The following SBF2 variants were observed in gnomAD, a reference collection of about 807,000 sequenced individuals.
SBF2 encodes the protein SET binding factor 2, also known as myotubularin-related protein 13.
Under a neutral mutation model 225.2 loss-of-function variants are expected in SBF2, and 112 were observed. The ratio of observed to expected loss-of-function variants is 0.50; its 90% CI spans 0.43 to 0.58. The LOEUF (loss-of-function observed/expected upper bound fraction) is 0.58, where lower values mean the gene tolerates loss of function less well. Ranked by LOEUF, SBF2 falls within the 20% of genes least tolerant of loss-of-function variation. The pLI, the probability that SBF2 is intolerant of heterozygous loss-of-function variation, is 0.00. For synonymous variants in SBF2, 763 were observed against 773.3 expected (o/e 0.99, Z 0.22); for missense variants, 1,996 against 2,206.2 (o/e 0.90, Z 1.91).
intron 16 of SBF2, among the ~76,000 whole-genome samples, chr11:9,904,627 T>C (rs1276091043): frequency 6.6e-6 from 1 of 152,164 alleles, no homozygotes; most frequent in Non-Finnish European, 1.5e-5. Flanking sequence ...TATAGAACAC[T>C]GTATACAAAA....
intron 1 of SBF2, among the ~76,000 whole-genome samples, chr11:10,283,937 T>A (rs1189906742): frequency 1.3e-5 from 2 of 152,182 alleles, no homozygotes; most frequent in Non-Finnish European, 2.9e-5. Context: ...GTAAAGTGAC[T>A]AAGTTAAAAT....
chr11:10,037,457 G>A (rs926698042), intron 3 of SBF2, among the ~76,000 whole-genome samples: 1 of 151,984 alleles, frequency 6.6e-6, no homozygotes, highest in Non-Finnish European at 1.5e-5. Flanking sequence ...CTGCTATTTC[G>A]AATTTTTAGT....
intron 2 of SBF2, among the ~76,000 whole-genome samples, chr11:10,094,659 C>T (rs1565222293): frequency 1.3e-5 from 2 of 150,918 alleles, no homozygotes; most frequent in Admixed American, 1.3e-4. Context: ...CCCGCCACGA[C>T]GCCTGGCTAA....
At chr11:10,229,733 C>G (rs1958744008) in intron 1 of SBF2, among the ~76,000 whole-genome samples, 1 of 152,084 alleles carries the variant, frequency 6.6e-6, no homozygotes. Context: ...TTACTTCCAA[C>G]TATGTGGTCA....
chr11:10,062,158 C>T (rs572910056), intron 2 of SBF2, among the ~76,000 whole-genome samples: 1 of 152,276 alleles, frequency 6.6e-6, no homozygotes, highest in South Asian at 2.1e-4. Flanking sequence ...TGAAGCTGGA[C>T]CCCTTCCTCA....
chr11:10,019,345 G>A (rs1226035570), intron 6 of SBF2, among the ~76,000 whole-genome samples: 1 of 152,200 alleles, frequency 6.6e-6, no homozygotes, highest in East Asian at 1.9e-4. Flanking sequence ...AGTTCCTTCA[G>A]AAAAGTGCCC....
chr11:9,931,986 A>G (rs1864531010), intron 16 of SBF2, among the ~76,000 whole-genome samples: 1 of 149,956 alleles, frequency 6.7e-6, no homozygotes, highest in Admixed American at 6.6e-5. Flanking sequence ...TGACGCATGC[A>G]CAAGCTTCAA....
chr11:9,898,090 A>C (rs1000129579), intron 16 of SBF2, among the ~76,000 whole-genome samples: 1 of 152,172 alleles, frequency 6.6e-6, no homozygotes, highest in African/African-American at 2.4e-5. Flanking sequence ...GAAAGTCAGA[A>C]GTGAGGAAGA....
intron 17 of SBF2, among the ~76,000 whole-genome samples, chr11:9,861,663 C>CAAAA (rs1193095357): frequency 1.2e-5 from 1 of 83,438 alleles, no homozygotes. Context: ...GACTCCATCT[C>CAAAA]AAAAAAAAAA....
intron 16 of SBF2, chr11:9,958,638 G>A (rs139451435): frequency 4.6e-5 from 12 of 262,654 alleles, no homozygotes; most frequent in East Asian, 3.1e-4. Context: ...GATTACAGGC[G>A]TGAGCATCCT....
chr11:10,227,667 T>G (rs1450941244), intron 1 of SBF2, among the ~76,000 whole-genome samples: 1 of 152,202 alleles, frequency 6.6e-6, no homozygotes, highest in Non-Finnish European at 1.5e-5. Context: ...CTCTGTTCTG[T>G]TCCATTGGTC....
At chr11:9,993,600 T>C (rs934315619) in intron 10 of SBF2, among the ~76,000 whole-genome samples, 2 of 152,252 alleles carry the variant, frequency 1.3e-5, no homozygotes, top group Non-Finnish European at 2.9e-5. Context: ...TTTTGAATCC[T>C]TGTGTGGCCA....
chr11:9,903,007 G>A (rs1046488432), intron 16 of SBF2, among the ~76,000 whole-genome samples: 14 of 151,642 alleles, frequency 9.2e-5, no homozygotes, highest in Admixed American at 7.9e-4. Context: ...CAAAAAAGAA[G>A]TGGAAAAAGA....
intron 13 of SBF2, among the ~76,000 whole-genome samples, chr11:9,984,820 C>T (rs898661589): frequency 2.6e-5 from 4 of 152,242 alleles, no homozygotes; most frequent in African/African-American, 9.6e-5. Flanking sequence ...ATTTTGTATC[C>T]AGTGAAACTA....
intron 1 of SBF2, among the ~76,000 whole-genome samples, chr11:10,227,170 T>C (rs1374281305): frequency 6.6e-6 from 1 of 152,138 alleles, no homozygotes; most frequent in East Asian, 1.9e-4. Context: ...TTTGATGGGG[T>C]TGTTTTTTTC....
At chr11:9,831,281 G>C (rs559539229) in intron 27 of SBF2, among the ~76,000 whole-genome samples, 1 of 152,358 alleles carries the variant, frequency 6.6e-6, no homozygotes, top group African/African-American at 2.4e-5. Flanking sequence ...CTACAGGCAT[G>C]AGCCATTGCA....
chr11:10,071,591 C>T (rs1436169685), intron 2 of SBF2, among the ~76,000 whole-genome samples: 1 of 152,110 alleles, frequency 6.6e-6, no homozygotes. Context: ...AAAGGGAATG[C>T]TTCCAGTTTT....
intron 2 of SBF2, among the ~76,000 whole-genome samples, chr11:10,173,020 T>G (rs1486114325): frequency 6.6e-6 from 1 of 152,228 alleles, no homozygotes; most frequent in African/African-American, 2.4e-5. Flanking sequence ...AGCAGCATAT[T>G]GTTTAATTTC....
intron 2 of SBF2, among the ~76,000 whole-genome samples, chr11:10,162,406 A>T (rs1955791642): frequency 6.6e-6 from 1 of 152,192 alleles, no homozygotes. Flanking sequence ...TCTAATGCTG[A>T]GCACCCAAAG....
Sources: gnomAD v4.1 joint callset for allele counts (sites outside exome capture counted in the v4.1 genomes callset) on GRCh38, gnomAD v4.1.1 for gene constraint, MANE v1.5 for transcripts, NCBI Gene and HGNC (gene_info 2026-07-23, HGNC 2026-07-21) for gene names.